SF3B1: variants seen among roughly 807,000 people sequenced by gnomAD.
SF3B1 encodes pre-mRNA processing 10.
SF3B1 carries 12 observed loss-of-function variants against 153.8 expected under a neutral mutation model. The ratio of observed to expected loss-of-function variants is 0.08; its 90% confidence interval spans 0.05 to 0.13. SF3B1 has a LOEUF of 0.13. Ranked by LOEUF, SF3B1 falls within the 10% of genes least tolerant of loss-of-function variation. SF3B1 has a pLI of 1.00. For synonymous variants in SF3B1, 498 were observed against 525.2 expected (o/e 0.95, Z 0.71); for missense variants, 513 against 1,606.1 (o/e 0.32, Z 11.63).
intron 1 of SF3B1, among the ~76,000 whole-genome samples, chr2:197,433,361 G>T (rs1206269211): frequency 6.6e-6 from 1 of 152,200 alleles, no homozygotes; most frequent in Admixed American, 6.5e-5. Context: ...CAGGAAAACT[G>T]ATCAGAATTC....
At chr2:197,413,277 T>C (rs944369622) in intron 6 of SF3B1, among the ~76,000 whole-genome samples, 6 of 152,190 alleles carry the variant, frequency 3.9e-5, no homozygotes, top group African/African-American at 1.4e-4. Context: ...GGCACATGCC[T>C]GTAATCCCAG....
rs745903171 is a variant in SF3B1, at chr2:197,392,984, T to C, written c.3744A>G (p.Gln1248=). Residue 1248 remains glutamine, a synonymous_variant, in exon 24 of 25, where the codon CAA becomes CAG. Transcript: ENST00000335508. ...ATCTTTAACTTACCTGTAAACAATA[T>C]TGCAACATTCTACATGGTCCAATAG... ...RVAIGPCRML[Q]YCLQGLFHPA... is the part of the protein sequence containing the mutation. 11 of 1,605,516 alleles carry C rather than the reference T, an allele frequency of 6.9e-6. No individual in the cohort carries two copies. Among genetic ancestry groups the C allele is most frequent in the Admixed American group, 3.3e-5 (2 of 59,906 alleles).
At chr2:197,433,848 C>A (rs1407638168) in intron 1 of SF3B1, among the ~76,000 whole-genome samples, 1 of 152,184 alleles carries the variant, frequency 6.6e-6, no homozygotes, top group Non-Finnish European at 1.5e-5. Context: ...ATGTCCTTCC[C>A]GATTTAAAAC....
At chr2:197,433,204 T>C (rs2085468819) in intron 1 of SF3B1, among the ~76,000 whole-genome samples, 1 of 152,264 alleles carries the variant, frequency 6.6e-6, no homozygotes, top group African/African-American at 2.4e-5. Context: ...CCCATAGGGA[T>C]GGGCACAGAC....
chr2:197,434,980 G>C lies in SF3B1; in HGVS notation c.20C>G (p.Thr7Ser), dbSNP rs190499887. MAKIAK[T>S]HEDIEAQIRE... is the part of the protein sequence containing the mutation. Reference sequence around the variant, plus strand: ...AGGGAAAGACCGCTTACCTTCGTGAGTCTTGGCGATCTTCGCCATTTTGTC... The same window carrying C: ...AGGGAAAGACCGCTTACCTTCGTGACTCTTGGCGATCTTCGCCATTTTGTC... Residue 7 changes from threonine (T) to serine (S), a missense_variant, in exon 1 of 25, where the codon ACT becomes AGT. Thr to Ser is a moderately conservative substitution (Grantham distance 58). Transcript: ENST00000335508. 2 of 1,614,102 alleles carry C rather than the reference G, an allele frequency of 1.2e-6. No individual in the cohort carries two copies. The highest frequency in any genetic ancestry group is 1.7e-6 in the Non-Finnish European group (2 of 1,180,006).
intron 22 of SF3B1, among the ~76,000 whole-genome samples, chr2:197,396,886 C>T (rs532005641): frequency 6.6e-6 from 1 of 152,206 alleles, no homozygotes; most frequent in Non-Finnish European, 1.5e-5. Flanking sequence ...GTCTTGACTC[C>T]ATCACCACTG....
intron 1 of SF3B1, among the ~76,000 whole-genome samples, chr2:197,434,409 C>T (rs1174307817): frequency 6.6e-6 from 1 of 152,188 alleles, no homozygotes; most frequent in Non-Finnish European, 1.5e-5. Context: ...CAATATTATA[C>T]TAAAAGTGAC....
chr2:197,399,056 A>T (rs1243900463), intron 20 of SF3B1: 15 of 1,300,058 alleles, frequency 1.2e-5, no homozygotes, highest in Non-Finnish European at 1.5e-5. Context: ...GAGAGAAAAA[A>T]GGAGGCAGCT....
chr2:197,398,123 T>TA lies in SF3B1; in HGVS notation c.3135-8dup, dbSNP rs1156950017. On this transcript the variant is annotated splice_region_variant and splice_polypyrimidine_tract_variant and intron_variant, in intron 21 of 24. Coordinates refer to ENST00000335508, the MANE Select transcript of SF3B1 (RefSeq NM_012433.4). ...AGATACATATTCAGCTCCCCTAATT[T>TA]AAAAAATACACATATTAATTATTGT... 2 of 1,597,208 alleles carry TA rather than the reference T, an allele frequency of 1.3e-6. No individual in the cohort carries two copies. Among genetic ancestry groups the TA allele is most frequent in the African/African-American group, 2.7e-5 (2 of 74,278 alleles).
Position 197,405,482 on chromosome 2 carries a change from G to C in SF3B1, c.1240-10C>G. The C allele has an allele frequency of 6.3e-7, 1 of 1,589,166 alleles. No individual in the cohort carries two copies. Among genetic ancestry groups the C allele is most frequent in the Non-Finnish European group, 8.6e-7 (1 of 1,162,030 alleles). ...CTGGAGGAGGAAGTACCTAATAAAA[G>C]TTATAAGACAGTTTAGGATTTTCTT... On this transcript the variant is annotated splice_polypyrimidine_tract_variant and intron_variant, in intron 9 of 24. Transcript: ENST00000335508.
At chr2:197,427,273 G>C (rs1296918912) in intron 1 of SF3B1, among the ~76,000 whole-genome samples, 1 of 152,186 alleles carries the variant, frequency 6.6e-6, no homozygotes, top group Non-Finnish European at 1.5e-5. Flanking sequence ...ACTTCTTATA[G>C]GCAGTACAAT....
intron 11 of SF3B1, 90 bp from the exon 12 acceptor site, chr2:197,403,854 T>C (rs2084960473): frequency 3.1e-6 from 3 of 968,080 alleles, no homozygotes; most frequent in Non-Finnish European, 1.5e-6. Flanking sequence ...TTCCATACTT[T>C]AATATTTTAG....
rs374823024 is a variant in SF3B1 at position 197,409,362 on chromosome 2, T to C, written c.904+408A>G. Among the ~76,000 whole-genome samples, 6 of 151,722 alleles carry C rather than the reference T, an allele frequency of 4.0e-5. No individual in the cohort carries two copies. The East Asian group carries it at 5.8e-4, about 15-fold the overall frequency. On this transcript the variant is annotated intron_variant, in intron 7 of 24. Coordinates refer to ENST00000335508, the MANE Select transcript of SF3B1 (RefSeq NM_012433.4). Reference sequence around the variant, plus strand: ...TTGCAGTGAGCTGAGATCGCGCCATTGCATTCCAGTCTGGACAACAAGAGC... The same window carrying C: ...TTGCAGTGAGCTGAGATCGCGCCATCGCATTCCAGTCTGGACAACAAGAGC...
intron 6 of SF3B1, among the ~76,000 whole-genome samples, chr2:197,410,876 T>C (rs1391021619): frequency 6.6e-6 from 1 of 152,222 alleles, no homozygotes; most frequent in African/African-American, 2.4e-5. Context: ...TACAGTTACA[T>C]GTGTACCAAA....
chr2:197,433,844 T>C (rs908958292), intron 1 of SF3B1, among the ~76,000 whole-genome samples: 3 of 152,332 alleles, frequency 2.0e-5, no homozygotes, highest in African/African-American at 4.8e-5. Context: ...TCAGATGTCC[T>C]TCCCGATTTA....
At chr2:197,415,732 T>C (rs1318488315) in intron 6 of SF3B1, among the ~76,000 whole-genome samples, 1 of 152,224 alleles carries the variant, frequency 6.6e-6, no homozygotes, top group Non-Finnish European at 1.5e-5. Context: ...TATTAAATGA[T>C]AGAAAACATC....
chr2:197,421,194 A>G (rs1003683509), intron 2 of SF3B1, 61 bp from the exon 3 acceptor site: 27 of 1,047,820 alleles, frequency 2.6e-5, no homozygotes, highest in Non-Finnish European at 3.6e-5. Context: ...AATTAGAAAG[A>G]ATATGCAAAG....
intron 1 of SF3B1, among the ~76,000 whole-genome samples, chr2:197,430,221 A>G (rs916740299): frequency 1.3e-5 from 2 of 152,118 alleles, no homozygotes; most frequent in African/African-American, 4.8e-5. Context: ...CAGTGACTAG[A>G]TATTTTATTA....
At chr2:197,433,114 G>C (rs1439772286) in intron 1 of SF3B1, among the ~76,000 whole-genome samples, 2 of 152,210 alleles carry the variant, frequency 1.3e-5, no homozygotes, top group Non-Finnish European at 2.9e-5. Flanking sequence ...TGAAGAACTA[G>C]AGTTCCATTA....
Sources: allele counts gnomAD v4.1 joint callset (sites outside exome capture counted in the v4.1 genomes callset), GRCh38; gene constraint gnomAD v4.1.1; transcripts MANE v1.5; gene names NCBI Gene and HGNC (gene_info 2026-07-23, HGNC 2026-07-21).